ASB3: variants seen among roughly 807,000 people sequenced by gnomAD.
ASB3 encodes ankyrin repeat and SOCS box containing 3.
Under a neutral mutation model 54.5 loss-of-function variants are expected in ASB3, and 41 were observed. That is an observed-to-expected ratio of 0.75 (90% CI 0.59 to 0.98). The LOEUF (loss-of-function observed/expected upper bound fraction) is 0.98, where lower values mean the gene tolerates loss of function less well. Ranked by LOEUF, ASB3 falls within the 50% of genes least tolerant of loss-of-function variation. The pLI is 0.00. For synonymous variants in ASB3, 266 were observed against 221.2 expected, an observed-to-expected ratio of 1.20 and a Z score of -1.80; for missense variants, 733 against 620.0, an observed-to-expected ratio of 1.18 and a Z score of -1.94.
chr2:53,733,061 A>T (rs1185566425), intron 3 of ASB3, among the ~76,000 whole-genome samples: 1 of 152,250 alleles, frequency 6.6e-6, no homozygotes, highest in South Asian at 2.1e-4. Context: ...AATAAAACAG[A>T]CTTCACAGTC....
chr2:53,738,624 G>C (rs941076915), intron 3 of ASB3, among the ~76,000 whole-genome samples: 4 of 152,076 alleles, frequency 2.6e-5, no homozygotes, highest in African/African-American at 9.7e-5. Context: ...ATTTAACCTA[G>C]AATACTAGGT....
At position 53,771,964 on chromosome 2, in the gene ASB3, T is replaced by A. The variant is rs780041202; in HGVS notation, c.-13-6379A>T. 5 of 1,295,590 alleles carry A rather than the reference T, an allele frequency of 3.9e-6. No individual in the cohort carries two copies. The South Asian group carries it at 7.3e-5, about 19-fold the overall frequency. The allele number at this position is 1,295,590 out of a possible 1,614,324, so 80.3% of individuals were successfully genotyped here. A position where few individuals can be genotyped will look rare whatever the true frequency, so the allele number is the denominator to read the frequency against. ...TGCGGTATGGTATAAATATTCTTTTTTGTATAATTTTAATTTTATAAAATG... is the reference window on the plus strand; with the variant it reads ...TGCGGTATGGTATAAATATTCTTTTATGTATAATTTTAATTTTATAAAATG... On this transcript the variant is annotated intron_variant, in intron 1 of 9. Transcript: ENST00000263634.
chr2:53,701,136 G>A (rs1490656707), intron 7 of ASB3, among the ~76,000 whole-genome samples: 1 of 152,034 alleles, frequency 6.6e-6, no homozygotes, highest in East Asian at 1.9e-4. Flanking sequence ...ACCATGCCTG[G>A]CTAATTTTTA....
chr2:53,671,863 C>T (rs1157410566), intron 9 of ASB3, among the ~76,000 whole-genome samples: 1 of 115,996 alleles, frequency 8.6e-6, no homozygotes, highest in Admixed American at 7.5e-5. Flanking sequence ...CGGACCAAAG[C>T]CTTTTGTTAA....
chr2:53,676,149 G>A (rs548892891), intron 9 of ASB3, among the ~76,000 whole-genome samples: 2 of 152,274 alleles, frequency 1.3e-5, no homozygotes, highest in African/African-American at 4.8e-5. Flanking sequence ...CAAAACTATG[G>A]ATGTATAAAC....
At chr2:53,764,553 T>G (rs867255497) in intron 2 of ASB3, among the ~76,000 whole-genome samples, 21 of 152,340 alleles carry the variant, frequency 1.4e-4, no homozygotes, top group South Asian at 4.1e-4. Context: ...ACCATTTGTT[T>G]TCTTCCTACC....
chr2:53,757,704 G>A (rs959381123), intron 2 of ASB3, among the ~76,000 whole-genome samples: 7 of 152,144 alleles, frequency 4.6e-5, no homozygotes, highest in African/African-American at 1.7e-4. Context: ...AGGGAATCTT[G>A]TCCCTGGTGT....
intron 1 of ASB3, among the ~76,000 whole-genome samples, chr2:53,776,444 C>A (rs1260250419): frequency 6.6e-6 from 1 of 152,070 alleles, no homozygotes; most frequent in African/African-American, 2.4e-5. Flanking sequence ...TATCTTTTTT[C>A]AGCAAAAATA....
intron 5 of ASB3, among the ~76,000 whole-genome samples, chr2:53,721,390 C>T (rs1670701408): frequency 9.2e-6 from 1 of 109,036 alleles, no homozygotes; most frequent in East Asian, 2.6e-4. Flanking sequence ...CCCATCTCTA[C>T]TAAACTACAA....
chr2:53,715,788 C>T lies in ASB3; in HGVS notation c.782+778G>A, dbSNP rs75652326. 4.0e-3 allele frequency among the ~76,000 whole-genome samples: 611 copies of T among 152,096 alleles called. 6 individuals are homozygous for T. The highest frequency in any genetic ancestry group is 0.014 in the African/African-American group (578 of 41,488). On this transcript the variant is annotated intron_variant, in intron 6 of 9. Coordinates refer to ENST00000263634, the MANE Select transcript of ASB3 (RefSeq NM_016115.5). Reference sequence around the variant, plus strand: ...ACTGTGTCACCTAGTGGCATAATGACCAAATTGCAGAATCTGTTTTCCTAC... The same window carrying T: ...ACTGTGTCACCTAGTGGCATAATGATCAAATTGCAGAATCTGTTTTCCTAC...
At chr2:53,739,503 A>G (rs1671817513) in intron 3 of ASB3, among the ~76,000 whole-genome samples, 1 of 152,202 alleles carries the variant, frequency 6.6e-6, no homozygotes, top group Non-Finnish European at 1.5e-5. Context: ...TTTTAAATGT[A>G]ATTATCTTAG....
chr2:53,709,176 C>A (rs945997963), intron 7 of ASB3, among the ~76,000 whole-genome samples: 1 of 152,182 alleles, frequency 6.6e-6, no homozygotes, highest in Non-Finnish European at 1.5e-5. Context: ...ATGGGCCAGG[C>A]CCAGTGCCCC....
At chr2:53,671,218 CTTT>C (rs968886534) in intron 9 of ASB3, among the ~76,000 whole-genome samples, 1 of 152,148 alleles carries the variant, frequency 6.6e-6, no homozygotes, top group Non-Finnish European at 1.5e-5. Flanking sequence ...CTCAAATTCT[CTTT>C]TTATCTTCAT....
At chr2:53,685,397 C>T (rs1395722002) in intron 9 of ASB3, among the ~76,000 whole-genome samples, 1 of 152,188 alleles carries the variant, frequency 6.6e-6, no homozygotes, top group Non-Finnish European at 1.5e-5. Context: ...AGAACTTTCT[C>T]ATCTACAATT....
intron 9 of ASB3, among the ~76,000 whole-genome samples, chr2:53,689,135 T>C (rs1362287244): frequency 6.6e-6 from 1 of 151,288 alleles, no homozygotes; most frequent in Non-Finnish European, 1.5e-5. Flanking sequence ...AGATAAATCA[T>C]GTCAAGTTTA....
intron 3 of ASB3, among the ~76,000 whole-genome samples, chr2:53,731,292 C>T (rs1166871252): frequency 6.6e-6 from 1 of 152,168 alleles, no homozygotes; most frequent in Non-Finnish European, 1.5e-5. Context: ...ATCCTAGCTA[C>T]TTGAGAGGCT....
rs1672472321 is a variant in ASB3 at position 53,750,794 on chromosome 2, G to A, written c.344C>T (p.Pro115Leu). 6 of 1,559,830 alleles carry A rather than the reference G, an allele frequency of 3.8e-6. No homozygotes were observed. Among genetic ancestry groups the A allele is most frequent in the Non-Finnish European group, 5.2e-6 (6 of 1,156,004 alleles). ...PNATTLEETTPLFLAVENGQI... is the reference protein window; with the variant it reads ...PNATTLEETTLLFLAVENGQI... ...AATAGCATACTTACCTAAAAACAAT[G>A]GTGTCGTTTCTTCTAAAGTAGTTGC... The change falls in exon 3 of 10, where the codon CCA (proline) becomes CTA (leucine). Residue 115 changes from proline to leucine, a missense_variant. Coordinates refer to ENST00000263634, the MANE Select transcript of ASB3 (RefSeq NM_016115.5).
At chr2:53,695,601 T>C (rs781203046) in intron 8 of ASB3, among the ~76,000 whole-genome samples, 82 of 152,130 alleles carry the variant, frequency 5.4e-4, no homozygotes, top group Non-Finnish European at 8.1e-4. Flanking sequence ...CAAGTAAATC[T>C]GTTTGCACAG....
Position 53,728,524 on chromosome 2 carries a change from C to T in ASB3, c.604+188G>A, listed in dbSNP as rs561417791. ...ACTCAGATAAATTAGTAGCTGTGCA[C>T]TGCATTGTTAGTAATAGATACTTAA... On this transcript the variant is annotated intron_variant, in intron 5 of 9. Transcript: ENST00000263634. Among the ~76,000 whole-genome samples, 5 of 152,282 alleles carry T rather than the reference C, an allele frequency of 3.3e-5. No individual in the cohort carries two copies. The South Asian group carries it at 1.0e-3, about 32-fold the overall frequency.
Sources: gnomAD v4.1 joint callset for allele counts (sites outside exome capture counted in the v4.1 genomes callset) on GRCh38, gnomAD v4.1.1 for gene constraint, MANE v1.5 for transcripts, NCBI Gene and HGNC (gene_info 2026-07-23, HGNC 2026-07-21) for gene names.